The following DSCAML1 variants were observed in gnomAD, a reference collection of about 807,000 sequenced individuals.
DSCAML1 encodes the protein cell adhesion molecule DSCAML1.
DSCAML1 carries 38 observed loss-of-function variants against 200.5 expected under a neutral mutation model. The ratio of observed to expected loss-of-function variants is 0.19; its 90% confidence interval spans 0.15 to 0.25. DSCAML1 has a LOEUF of 0.25. Among genes scored for constraint, DSCAML1 ranks in the 10% least tolerant of loss-of-function variants. The pLI is 1.00. For missense variants in DSCAML1, 2,223 were observed against 2,858.8 expected, an observed-to-expected ratio of 0.78 and a Z score of 5.07; for synonymous variants, 1,215 against 1,165.0, an observed-to-expected ratio of 1.04 and a Z score of -0.87.
At position 117,516,615 on chromosome 11, in the gene DSCAML1, C is replaced by T. The variant is rs2049772514; in HGVS notation, c.1635G>A (p.Leu545=). ...SIKWYKDALL[L]PDNHRQVVFE... The stretch of plus-strand genomic sequence containing the variant: ...ACACCACCTGGCGGTGGTTGTCTGG[C>T]AGCAGCAGGGCATCCTTGTACCACT... The change falls in exon 8 of 33, where the codon CTG becomes CTA. Residue 545 remains leucine (L), a synonymous_variant. Coordinates refer to ENST00000651296, the MANE Select transcript of DSCAML1 (RefSeq NM_020693.4). This position sits in a 1 kb window ranked among gnomAD's most constrained non-coding sequence, Gnocchi z 5.7. The T allele has an allele frequency of 6.2e-7, 1 of 1,614,076 alleles. No homozygotes were observed. Among genetic ancestry groups the T allele is most frequent in the Admixed American group, 1.7e-5 (1 of 60,024 alleles).
At chr11:117,471,829 C>A in intron 15 of DSCAML1, 40 bp downstream of exon 15, 1 of 1,413,352 alleles carries the variant, frequency 7.1e-7, no homozygotes, top group South Asian at 1.5e-5. Context: ...GGTCCTGATC[C>A]CTGAGGCCAT....
chr11:117,615,070 G>A (rs764069925), intron 3 of DSCAML1, among the ~76,000 whole-genome samples: 3 of 152,112 alleles, frequency 2.0e-5, no homozygotes, highest in Non-Finnish European at 4.4e-5. Context: ...GGCTGCCTCT[G>A]GACCACATGT....
At position 117,516,489 on chromosome 11, in the gene DSCAML1, C is replaced by T; in HGVS notation, c.1761G>A (p.Gln587=). 1 of 1,613,786 alleles carries T rather than the reference C, an allele frequency of 6.2e-7. No homozygotes were observed. The highest frequency in any genetic ancestry group is 8.5e-7 in the Non-Finnish European group (1 of 1,179,900). ...TACCTTTGACGGCTACGTGAACGCTCTGGCTGATGGAGAGCTGGGGCTGGA... is the reference window on the plus strand; with the variant it reads ...TACCTTTGACGGCTACGTGAACGCTTTGGCTGATGGAGAGCTGGGGCTGGA... ...VLIQPQLSIS[Q]SVHVAVKVPP... is the part of the protein sequence containing the mutation. The change falls in exon 8 of 33, where the codon CAG becomes CAA. Residue 587 remains glutamine, a synonymous_variant. Coordinates refer to ENST00000651296, the MANE Select transcript of DSCAML1 (RefSeq NM_020693.4). This position sits in a 1 kb window ranked among gnomAD's most constrained non-coding sequence, Gnocchi z 5.7.
intron 3 of DSCAML1, among the ~76,000 whole-genome samples, chr11:117,767,145 T>C (rs536157111): frequency 6.6e-6 from 1 of 152,136 alleles, no homozygotes; most frequent in African/African-American, 2.4e-5. Context: ...CCGAAGGTGA[T>C]GCCGGCCGCA....
intron 14 of DSCAML1, among the ~76,000 whole-genome samples, chr11:117,474,380 A>T (rs1360537801): frequency 6.6e-6 from 1 of 151,204 alleles, no homozygotes; most frequent in Non-Finnish European, 1.5e-5. Context: ...ATCCCCCTCT[A>T]CCCTACCAGG....
In DSCAML1 at chr11:117,645,900, TAATA is replaced by T. The variant is rs541100117; in HGVS notation, c.512-113382_512-113379del. Among the ~76,000 whole-genome samples, 629 of 151,956 alleles carry T rather than the reference TAATA, an allele frequency of 4.1e-3. 4 individuals are homozygous for T. The highest frequency in any genetic ancestry group is 0.013 in the African/African-American group (532 of 41,456). ...ATGTACCCTAAAACTTAAAGTATAA[TAATA>T]AATAAATAAATAAAAGAAAAAAAAG... is the stretch of plus-strand genomic sequence containing the variant. On this transcript the variant is annotated intron_variant, in intron 3 of 32. Transcript: ENST00000651296.
intron 3 of DSCAML1, among the ~76,000 whole-genome samples, chr11:117,701,270 T>G (rs1337728441): frequency 2.8e-5 from 3 of 105,920 alleles, no homozygotes; most frequent in Admixed American, 8.9e-5. Flanking sequence ...CATCTCAAAA[T>G]AAATAAATAA....
chr11:117,486,072 G>C (rs1267019082), intron 11 of DSCAML1, among the ~76,000 whole-genome samples: 1 of 152,248 alleles, frequency 6.6e-6, no homozygotes, highest in African/African-American at 2.4e-5. Flanking sequence ...GGAAAAGGGT[G>C]TGTGGCTTGA....
At chr11:117,703,378 T>C (rs887535793) in intron 3 of DSCAML1, among the ~76,000 whole-genome samples, 40 of 152,204 alleles carry the variant, frequency 2.6e-4, no homozygotes, top group Admixed American at 6.5e-5. Context: ...GTCTGGTCTC[T>C]ACCAGGGCCC....
chr11:117,532,292 G>T, intron 4 of DSCAML1, 84 bp downstream of exon 4: 2 of 1,422,096 alleles, frequency 1.4e-6, no homozygotes, highest in Non-Finnish European at 9.6e-7. Flanking sequence ...TCCTCCATCT[G>T]CGGTGGGGCG....
At chr11:117,663,031 C>T (rs190527521) in intron 3 of DSCAML1, among the ~76,000 whole-genome samples, 1 of 152,290 alleles carries the variant, frequency 6.6e-6, no homozygotes, top group Non-Finnish European at 1.5e-5. Flanking sequence ...TCCACTTGCC[C>T]CCCGGAGATG....
At position 117,780,934 on chromosome 11, in the gene DSCAML1, G is replaced by T; in HGVS notation, c.47-124C>A. ...CCTTCAAGCATCAGTCATTCAGTAT[G>T]CACTTATTGAGCACTGACTATACAC... On this transcript the variant is annotated intron_variant, in intron 1 of 32. Transcript: ENST00000651296. The surrounding 1 kb of genome is among the most constrained non-coding windows in gnomAD (Gnocchi z 4.8). 1 of 712,438 alleles carries T rather than the reference G, an allele frequency of 1.4e-6. No individual in the cohort carries two copies. Among genetic ancestry groups the T allele is most frequent in the Non-Finnish European group, 2.0e-6 (1 of 488,054 alleles). The allele number at this position is 712,438 out of a possible 1,614,324, so 44.1% of individuals were successfully genotyped here. A position where few individuals can be genotyped will look rare whatever the true frequency, so the allele number is the denominator to read the frequency against.
chr11:117,468,079 C>G (rs1243066233), intron 16 of DSCAML1, among the ~76,000 whole-genome samples: 1 of 152,030 alleles, frequency 6.6e-6, no homozygotes, highest in African/African-American at 2.4e-5. Flanking sequence ...CTGCCTCCTT[C>G]CTCTCTCTTT....
At chr11:117,490,058 G>A (rs1156232925) in intron 11 of DSCAML1, among the ~76,000 whole-genome samples, 1 of 152,162 alleles carries the variant, frequency 6.6e-6, no homozygotes, top group Non-Finnish European at 1.5e-5. Context: ...GGAAACTCCA[G>A]ATTTCCTTCT....
chr11:117,684,506 C>A (rs899146680), intron 3 of DSCAML1, among the ~76,000 whole-genome samples: 1 of 130,196 alleles, frequency 7.7e-6, no homozygotes, highest in African/African-American at 2.8e-5. Context: ...GCTAGGATAT[C>A]AAAACCATTT....
At chr11:117,661,045 A>G (rs2052839116) in intron 3 of DSCAML1, among the ~76,000 whole-genome samples, 1 of 152,224 alleles carries the variant, frequency 6.6e-6, no homozygotes, top group Non-Finnish European at 1.5e-5. Flanking sequence ...CTTGAGCACC[A>G]GTCCTTTGCT....
intron 3 of DSCAML1, among the ~76,000 whole-genome samples, chr11:117,736,238 G>A (rs140330298): frequency 1.3e-3 from 194 of 152,296 alleles, no homozygotes; most frequent in African/African-American, 4.6e-3. Flanking sequence ...GGCTGGTGCT[G>A]GAGAATTTGC....
intron 3 of DSCAML1, among the ~76,000 whole-genome samples, chr11:117,577,449 CTT>C (rs2050955006): frequency 1.6e-5 from 1 of 63,046 alleles, no homozygotes; most frequent in Non-Finnish European, 3.8e-5. Context: ...TCCTTCCTTC[CTT>C]CCTTCCTTTC....
intron 3 of DSCAML1, among the ~76,000 whole-genome samples, chr11:117,641,268 ATGGAGCC>A (rs1482383859): frequency 6.6e-6 from 1 of 152,192 alleles, no homozygotes; most frequent in Non-Finnish European, 1.5e-5. Context: ...ACCCTTAATG[ATGGAGCC>A]TCATCACTCA....
Sources: allele counts gnomAD v4.1 joint callset (sites outside exome capture counted in the v4.1 genomes callset), GRCh38; gene constraint gnomAD v4.1.1; non-coding constraint Gnocchi (gnomAD v3.1); transcripts MANE v1.5; gene names NCBI Gene and HGNC (gene_info 2026-07-23, HGNC 2026-07-21).